The following NOL10 variants were observed in gnomAD, a reference collection of about 807,000 sequenced individuals.
NOL10 encodes the protein H_NH0074G24.1.
In NOL10, 58 loss-of-function variants were observed where a neutral mutation model predicts 103.5. The observed-to-expected ratio is 0.56, with a 90% CI of 0.45 to 0.70. The LOEUF is 0.70. Ranked by LOEUF, NOL10 falls within the 30% of genes least tolerant of loss-of-function variation. The pLI is 0.00. For missense variants in NOL10, 763 were observed against 807.3 expected (o/e 0.95, Z 0.67); for synonymous variants, 287 against 282.5 (o/e 1.02, Z -0.16).
chr2:10,651,603 G>C (rs888293326), intron 12 of NOL10, among the ~76,000 whole-genome samples: 5 of 151,898 alleles, frequency 3.3e-5, no homozygotes, highest in African/African-American at 4.8e-5. Context: ...CGAGTGGCTA[G>C]TGGCTACCAA....
chr2:10,678,947 T>C (rs1488402842), intron 3 of NOL10, among the ~76,000 whole-genome samples: 4 of 152,184 alleles, frequency 2.6e-5, no homozygotes, highest in Non-Finnish European at 5.9e-5. Flanking sequence ...AGATTCCAGC[T>C]GGGTGCCGTG....
chr2:10,654,368 A>G, intron 12 of NOL10, 113 bp downstream of exon 12: 5 of 714,526 alleles, frequency 7.0e-6, no homozygotes, highest in Non-Finnish European at 9.2e-6. Context: ...CTTAAGAAAT[A>G]AAATGGGTTT....
rs188650290 is a variant in NOL10, at chr2:10,676,115, A to G, written c.212-244T>C. On this transcript the variant is annotated intron_variant, in intron 3 of 20. Coordinates refer to ENST00000381685, the MANE Select transcript of NOL10 (RefSeq NM_024894.4). ...ACCTACAAGTAATCTAACAAAATAC[A>G]TGCAAACAATGAAACAGTTTTGTCC... Among the ~76,000 whole-genome samples, 199 of 152,382 alleles carry G rather than the reference A, an allele frequency of 1.3e-3. 1 individual carries two copies. The highest frequency in any genetic ancestry group is 4.7e-3 in the African/African-American group (195 of 41,596).
intron 12 of NOL10, among the ~76,000 whole-genome samples, chr2:10,646,367 A>G (rs1198701784): frequency 6.6e-6 from 1 of 152,152 alleles, no homozygotes; most frequent in East Asian, 1.9e-4. Flanking sequence ...CCACCTACCA[A>G]ACAAACCACG....
intron 13 of NOL10, 65 bp from the exon 14 acceptor site, chr2:10,607,376 T>G: frequency 6.7e-7 from 1 of 1,488,710 alleles, no homozygotes; most frequent in Non-Finnish European, 8.9e-7. Flanking sequence ...TCTCAGTTAT[T>G]TATAACCAGA....
chr2:10,676,952 T>C (rs937372810), intron 3 of NOL10, among the ~76,000 whole-genome samples: 1 of 145,782 alleles, frequency 6.9e-6, no homozygotes, highest in South Asian at 2.3e-4. Flanking sequence ...TTTTTTTTTT[T>C]CTTTGAAATG....
intron 17 of NOL10, among the ~76,000 whole-genome samples, chr2:10,593,225 G>C (rs1675490230): frequency 6.7e-6 from 1 of 148,714 alleles, no homozygotes; most frequent in South Asian, 2.1e-4. Flanking sequence ...TGCAACCTCT[G>C]CCTCCCGGGT....
At chr2:10,639,732 G>C (rs1678569647) in intron 13 of NOL10, among the ~76,000 whole-genome samples, 1 of 152,082 alleles carries the variant, frequency 6.6e-6, no homozygotes, top group Non-Finnish European at 1.5e-5. Flanking sequence ...AGAGGAAAAA[G>C]CAAGCTTGAA....
chr2:10,686,423 AGAG>A (rs1417957320), intron 1 of NOL10, among the ~76,000 whole-genome samples: 2 of 152,260 alleles, frequency 1.3e-5, no homozygotes, highest in Non-Finnish European at 2.9e-5. Flanking sequence ...CTGAGCTCAG[AGAG>A]GAGGGCAGGA....
intron 13 of NOL10, among the ~76,000 whole-genome samples, chr2:10,610,607 C>T (rs1676513052): frequency 6.6e-6 from 1 of 152,186 alleles, no homozygotes; most frequent in Non-Finnish European, 1.5e-5. Flanking sequence ...GTTTTATCCA[C>T]ATTAGACCTT....
At chr2:10,672,165 TA>T (rs1386075015) in intron 5 of NOL10, among the ~76,000 whole-genome samples, 1 of 151,804 alleles carries the variant, frequency 6.6e-6, no homozygotes, top group African/African-American at 2.4e-5. Context: ...CCATCTCTAC[TA>T]AAAACACAAA....
chr2:10,618,028 CTTCATGT>C (rs996341807), intron 13 of NOL10, among the ~76,000 whole-genome samples: 3 of 106,500 alleles, frequency 2.8e-5, no homozygotes, highest in African/African-American at 1.2e-4. Flanking sequence ...GGACTGTACA[CTTCATGT>C]TTTTTTTTTT....
intron 3 of NOL10, among the ~76,000 whole-genome samples, chr2:10,676,174 T>C (rs749968898): frequency 7.9e-5 from 12 of 152,216 alleles, no homozygotes; most frequent in Non-Finnish European, 1.6e-4. Context: ...ACGGTTAATA[T>C]CTGTGTTGGT....
intron 12 of NOL10, among the ~76,000 whole-genome samples, chr2:10,646,267 GA>G (rs1679066871): frequency 6.6e-6 from 1 of 152,114 alleles, no homozygotes; most frequent in Non-Finnish European, 1.5e-5. Context: ...CAACCAAAAG[GA>G]AGGTTCCTAA....
chr2:10,634,665 A>T (rs1678077466), intron 13 of NOL10: 1 of 454,350 alleles, frequency 2.2e-6, no homozygotes, highest in Admixed American at 2.4e-5. Flanking sequence ...TAAATAAAGA[A>T]GAGACAAGGA....
At chr2:10,676,810 G>C (rs985779366) in intron 3 of NOL10, among the ~76,000 whole-genome samples, 38 of 151,942 alleles carry the variant, frequency 2.5e-4, no homozygotes, top group African/African-American at 8.7e-4. Flanking sequence ...GCTAATTTTT[G>C]TATTTTTAGT....
intron 5 of NOL10, among the ~76,000 whole-genome samples, chr2:10,672,949 C>A (rs773280756): frequency 2.6e-5 from 4 of 152,056 alleles, no homozygotes; most frequent in African/African-American, 4.8e-5. Context: ...GCTGAAATTA[C>A]GCCACTGCCC....
At chr2:10,581,193 G>A (rs543854189) in intron 19 of NOL10, among the ~76,000 whole-genome samples, 2 of 152,184 alleles carry the variant, frequency 1.3e-5, no homozygotes, top group Admixed American at 6.5e-5. Context: ...AATATCCGGC[G>A]TTGCTGGAGT....
intron 12 of NOL10, among the ~76,000 whole-genome samples, chr2:10,649,984 T>C (rs1431950154): frequency 6.6e-6 from 1 of 152,152 alleles, no homozygotes; most frequent in Admixed American, 6.5e-5. Flanking sequence ...AGGCTGCAAA[T>C]TACCAAGTGG....
Sources: allele counts gnomAD v4.1 joint callset (sites outside exome capture counted in the v4.1 genomes callset), GRCh38; gene constraint gnomAD v4.1.1; transcripts MANE v1.5; gene names NCBI Gene and HGNC (gene_info 2026-07-23, HGNC 2026-07-21).